Variants in GABRA2 observed in about 807,000 individuals in gnomAD.
GABRA2 encodes the protein gamma-aminobutyric acid receptor subunit alpha-2.
In GABRA2, 16 loss-of-function variants were observed where a neutral mutation model predicts 48.7. The observed-to-expected ratio is 0.33, with a 90% CI of 0.22 to 0.50. The LOEUF (loss-of-function observed/expected upper bound fraction) is 0.50, where lower values mean the gene tolerates loss of function less well. GABRA2 is among the 20% of genes least tolerant of loss of function. GABRA2 has a pLI of 0.98. For synonymous variants in GABRA2, 185 were observed against 184.5 expected (o/e 1.00, Z -0.02); for missense variants, 275 against 535.6 (o/e 0.51, Z 4.80).
At chr4:46,366,171 T>C (rs1177262026) in intron 3 of GABRA2, 2 of 152,008 alleles carry the variant, frequency 1.3e-5, no homozygotes, top group South Asian at 2.1e-4. Flanking sequence ...AAATCAGCAG[T>C]GAGAGTAACA....
intron 3 of GABRA2, chr4:46,365,666 G>A (rs1265022807): frequency 6.6e-6 from 1 of 152,072 alleles, no homozygotes; most frequent in Non-Finnish European, 1.5e-5. Context: ...TACTGATGAA[G>A]AAACTGAGGT....
At chr4:46,388,078 A>G (rs1717712585) in intron 2 of GABRA2, among the ~76,000 whole-genome samples, 1 of 152,066 alleles carries the variant, frequency 6.6e-6, no homozygotes, top group Non-Finnish European at 1.5e-5. Context: ...AAAAATCTTA[A>G]TAATGCAAAA....
intron 8 of GABRA2, among the ~76,000 whole-genome samples, chr4:46,284,741 T>A (rs949932026): frequency 6.6e-6 from 1 of 152,070 alleles, no homozygotes; most frequent in African/African-American, 2.4e-5. Context: ...CATAAAGACC[T>A]CAGAGGTTGA....
rs556596176 is a variant in GABRA2 at position 46,323,729 on chromosome 4, C to A, written c.255+8886G>T. ...AAGATTTTCATAAGCCTGTGTACAA[C>A]ATCATTAAAAAAAAAAAGGTATGAA... On this transcript the variant is annotated intron_variant, in intron 4 of 9. Coordinates refer to ENST00000381620, the MANE Select transcript of GABRA2 (RefSeq NM_000807.4). Among the ~76,000 whole-genome samples, 8 of 145,070 alleles carry A rather than the reference C, an allele frequency of 5.5e-5. No individual in the cohort carries two copies. The South Asian group carries it at 1.7e-3, about 31-fold the overall frequency.
At chr4:46,282,571 A>G (rs1043706603) in intron 8 of GABRA2, among the ~76,000 whole-genome samples, 1 of 152,180 alleles carries the variant, frequency 6.6e-6, no homozygotes. Context: ...ATTCCCTTCA[A>G]ACAAAATCAA....
At chr4:46,259,841 A>T (rs1381753026) in intron 9 of GABRA2, among the ~76,000 whole-genome samples, 1 of 151,900 alleles carries the variant, frequency 6.6e-6, no homozygotes. Context: ...TCTAAGGAAT[A>T]TTAAGATAAA....
At chr4:46,322,390 C>T (rs902692256) in intron 4 of GABRA2, among the ~76,000 whole-genome samples, 2 of 151,910 alleles carry the variant, frequency 1.3e-5, no homozygotes, top group Admixed American at 6.6e-5. Flanking sequence ...GCCTCCAAGG[C>T]CCTGCACGAT....
chr4:46,366,827 A>T (rs1016286112), intron 3 of GABRA2: 42 of 152,128 alleles, frequency 2.8e-4, no homozygotes, highest in African/African-American at 9.7e-4. Context: ...GTTTTGCAAA[A>T]TCTCAAAATA....
intron 3 of GABRA2, among the ~76,000 whole-genome samples, chr4:46,340,919 T>A (rs1733109029): frequency 6.6e-6 from 1 of 151,982 alleles, no homozygotes; most frequent in African/African-American, 2.4e-5. Flanking sequence ...ATTCGTTTCT[T>A]CTTCTTTTTT....
chr4:46,283,400 AC>A (rs1284235523), intron 8 of GABRA2, among the ~76,000 whole-genome samples: 3 of 152,196 alleles, frequency 2.0e-5, no homozygotes, highest in African/African-American at 7.2e-5. Flanking sequence ...AGGAAAATAG[AC>A]ACCGAATGCC....
chr4:46,382,494 G>T (rs1315376746), intron 3 of GABRA2, among the ~76,000 whole-genome samples: 1 of 152,030 alleles, frequency 6.6e-6, no homozygotes, highest in East Asian at 1.9e-4. Flanking sequence ...GAAAAACCTT[G>T]CAGGGCCTTG....
At chr4:46,259,469 GTGTT>G (rs1716515647) in intron 9 of GABRA2, among the ~76,000 whole-genome samples, 2 of 151,926 alleles carry the variant, frequency 1.3e-5, no homozygotes, top group South Asian at 4.1e-4. Flanking sequence ...ATAACTGAGA[GTGTT>G]TATTTATTTA....
chr4:46,385,078 CATATATATATATAT>C (rs36113226), intron 3 of GABRA2, among the ~76,000 whole-genome samples: 31,286 of 143,516 alleles, frequency 0.22, 3,671 homozygotes, highest in African/African-American at 0.28. Flanking sequence ...AATTGCCTAA[CATATATATATATAT>C]ATATATATAT....
chr4:46,301,351 A>G (rs1011876268), intron 8 of GABRA2, among the ~76,000 whole-genome samples: 1 of 152,186 alleles, frequency 6.6e-6, no homozygotes, highest in African/African-American at 2.4e-5. Context: ...ATTATATACC[A>G]TGTATTAAAT....
chr4:46,338,467 A>G (rs1732646901), intron 3 of GABRA2, among the ~76,000 whole-genome samples: 1 of 152,010 alleles, frequency 6.6e-6, no homozygotes, highest in Non-Finnish European at 1.5e-5. Context: ...CCAATCTTCA[A>G]TAATTATTTT....
At chr4:46,388,933 TTTTTC>T in intron 1 of GABRA2, 1 of 1,331,938 alleles carries the variant, frequency 7.5e-7, no homozygotes, top group South Asian at 2.1e-5. Flanking sequence ...TTTCTTTCTT[TTTTTC>T]TTTCTTTCTT....
intron 8 of GABRA2, among the ~76,000 whole-genome samples, chr4:46,297,162 G>T (rs1034692247): frequency 6.6e-6 from 1 of 152,066 alleles, no homozygotes; most frequent in Admixed American, 6.5e-5. Context: ...GTCCGTTAGG[G>T]TGTTGCCAAA....
At chr4:46,302,935 T>A (rs1222305833) in intron 8 of GABRA2, among the ~76,000 whole-genome samples, 1 of 152,144 alleles carries the variant, frequency 6.6e-6, no homozygotes, top group Non-Finnish European at 1.5e-5. Flanking sequence ...TTATAAACTT[T>A]CCCCCAACTT....
At chr4:46,283,664 A>G (rs1379958959) in intron 8 of GABRA2, among the ~76,000 whole-genome samples, 3 of 152,192 alleles carry the variant, frequency 2.0e-5, no homozygotes, top group African/African-American at 7.2e-5. Flanking sequence ...ATGTACCTTG[A>G]ATTCTGTATG....
Sources: allele counts gnomAD v4.1 joint callset (sites outside exome capture counted in the v4.1 genomes callset), GRCh38; gene constraint gnomAD v4.1.1; transcripts MANE v1.5; gene names NCBI Gene and HGNC (gene_info 2026-07-23, HGNC 2026-07-21).